PPM1K: variants seen among roughly 807,000 people sequenced by gnomAD.
PPM1K encodes protein phosphatase, Mg2+/Mn2+ dependent 1K.
A neutral mutation model predicts 32.6 loss-of-function variants in PPM1K; 19 were observed. The ratio of observed to expected loss-of-function variants is 0.58; its 90% CI spans 0.41 to 0.86. PPM1K has a LOEUF of 0.86. PPM1K is among the 40% of genes least tolerant of loss of function. The pLI, the probability that PPM1K is intolerant of heterozygous loss-of-function variation, is 0.00. For missense variants in PPM1K, 362 were observed against 461.2 expected, an observed-to-expected ratio of 0.78 and a Z score of 1.97; for synonymous variants, 159 against 165.3, an observed-to-expected ratio of 0.96 and a Z score of 0.29.
chr4:88,269,234 T>C (rs1340182611), intron 3 of PPM1K, among the ~76,000 whole-genome samples: 1 of 152,196 alleles, frequency 6.6e-6, no homozygotes, highest in African/African-American at 2.4e-5. Context: ...CATGGATATC[T>C]GGTGTCCAGA....
chr4:88,269,821 G>A (rs560709027), intron 3 of PPM1K, among the ~76,000 whole-genome samples: 15 of 152,284 alleles, frequency 9.9e-5, no homozygotes, highest in African/African-American at 3.4e-4. Flanking sequence ...TGAGGTCACC[G>A]TTTCCTCCAT....
At chr4:88,268,588 T>C (rs909509697) in intron 4 of PPM1K, among the ~76,000 whole-genome samples, 153 bp downstream of exon 4, 2 of 152,132 alleles carry the variant, frequency 1.3e-5, no homozygotes, top group African/African-American at 4.8e-5. Context: ...GCCACTGCAC[T>C]CCAGCCTGGG....
At chr4:88,272,376 T>C (rs530589986) in intron 3 of PPM1K, among the ~76,000 whole-genome samples, 5 of 152,216 alleles carry the variant, frequency 3.3e-5, no homozygotes, top group South Asian at 4.1e-4. Context: ...GTGAGACTCA[T>C]AATGCCATCA....
chr4:88,271,273 A>T (rs1731547664), intron 3 of PPM1K: 1 of 250,970 alleles, frequency 4.0e-6, no homozygotes, highest in Non-Finnish European at 8.1e-6. Flanking sequence ...AACACAGGGG[A>T]GAGCAGAGAA....
chr4:88,260,455 C>A lies in PPM1K; in HGVS notation c.*2140G>T, dbSNP rs1483534022. 6.6e-6 allele frequency: 1 copy of A among 152,124 alleles called. No individual in the cohort carries two copies. Among genetic ancestry groups the A allele is most frequent in the African/African-American group, 2.4e-5 (1 of 41,412 alleles). The allele number at this position is 152,124 out of a possible 1,614,324, so 9.4% of individuals were successfully genotyped here. A position where few individuals can be genotyped will look rare whatever the true frequency, so the allele number is the denominator to read the frequency against. Reference sequence around the variant, plus strand: ...TAAAGGTAGCTTCCACATTTCTGTTCCAAGAACTGATTAGAAAAAGCAAGA... The same window carrying A: ...TAAAGGTAGCTTCCACATTTCTGTTACAAGAACTGATTAGAAAAAGCAAGA... On this transcript the variant is annotated 3_prime_UTR_variant, in exon 7 of 7. Transcript: ENST00000608933.
Position 88,278,031 on chromosome 4 carries a change from G to C in PPM1K, c.440+113C>G. The C allele has an allele frequency of 1.3e-6, 1 of 786,514 alleles. No homozygotes were observed. The highest frequency in any genetic ancestry group is 2.0e-6 in the Non-Finnish European group (1 of 491,218). 48.7% of individuals were successfully genotyped at this position (786,514 alleles called of 1,614,324 possible). A position where few individuals can be genotyped will look rare whatever the true frequency, so the allele number is the denominator to read the frequency against. ...ACTACTGCTCATTCGTGAAGCAGCA[G>C]CATGCAACCACTCAAGTAACTATGT... On this transcript the variant is annotated intron_variant, in intron 2 of 6. Transcript: ENST00000608933. This position sits in a 1 kb window ranked among gnomAD's most constrained non-coding sequence, Gnocchi z 4.2.
chr4:88,259,225 CACTGT>C lies in PPM1K; in HGVS notation c.*3365_*3369del. ...AGGTTGCAGGGAGCCGAGACCGCAC[CACTGT>C]ACTCCAGCCTGTGTGACAGAGTGAG... On this transcript the variant is annotated 3_prime_UTR_variant, in exon 7 of 7. Coordinates refer to ENST00000608933, the MANE Select transcript of PPM1K (RefSeq NM_152542.5). The C allele has an allele frequency of 6.7e-6, 1 of 149,384 alleles. No individual in the cohort carries two copies. The highest frequency in any genetic ancestry group is 1.9e-4 in the East Asian group (1 of 5,132). 9.3% of individuals were successfully genotyped at this position (149,384 alleles called of 1,614,324 possible).
chr4:88,279,751 T>C (rs778080710), intron 1 of PPM1K: 3 of 152,230 alleles, frequency 2.0e-5, no homozygotes, highest in Admixed American at 2.0e-4. Context: ...CATAGGATTT[T>C]GTTCTATTAC....
chr4:88,277,762 G>A (rs1731841132), intron 2 of PPM1K: 1 of 221,026 alleles, frequency 4.5e-6, no homozygotes. Context: ...TTTTCAACAA[G>A]TCAGGTATTC....
chr4:88,273,881 A>C (rs758459753), intron 3 of PPM1K, among the ~76,000 whole-genome samples: 4 of 152,106 alleles, frequency 2.6e-5, no homozygotes, highest in Non-Finnish European at 5.9e-5. Flanking sequence ...ACCTAGGCCT[A>C]ATCAGTTTTT....
chr4:88,269,488 C>A (rs987687620), intron 3 of PPM1K, among the ~76,000 whole-genome samples: 2 of 152,116 alleles, frequency 1.3e-5, no homozygotes, highest in East Asian at 3.8e-4. Context: ...TATAAATGTT[C>A]ACCAAAAAAA....
Position 88,278,708 on chromosome 4 carries a change from G to A in PPM1K, c.-59-66C>T. The A allele has an allele frequency of 2.9e-6, 2 of 700,324 alleles. 1 individual carries two copies. The highest frequency in any genetic ancestry group is 4.7e-6 in the Non-Finnish European group (2 of 425,530). The allele number at this position is 700,324 out of a possible 1,614,324, so 43.4% of individuals were successfully genotyped here. On this transcript the variant is annotated intron_variant, in intron 1 of 6. Transcript: ENST00000608933. The surrounding 1 kb of genome is among the most constrained non-coding windows in gnomAD (Gnocchi z 4.2). The stretch of plus-strand genomic sequence containing the variant: ...AGAGGGGCAGAGGAGGAGAGGGAGA[G>A]AGACAGAGAGAGAGAGACCATCAGA...
At position 88,262,569 on chromosome 4, in the gene PPM1K, C is replaced by A. The variant is rs753682896; in HGVS notation, c.*26G>T. ...ACATGCTCAGTGAAAAACTGTTGCACAGAAACTCTAAGTCCCAGCTGGTAA... is the reference window on the plus strand; with the variant it reads ...ACATGCTCAGTGAAAAACTGTTGCAAAGAAACTCTAAGTCCCAGCTGGTAA... On this transcript the variant is annotated 3_prime_UTR_variant, in exon 7 of 7. Coordinates refer to ENST00000608933, the MANE Select transcript of PPM1K (RefSeq NM_152542.5). 1.2e-6 allele frequency: 2 copies of A among 1,610,450 alleles called. No individual in the cohort carries two copies. The highest frequency in any genetic ancestry group is 4.5e-5 in the East Asian group (2 of 44,868).
intron 1 of PPM1K, chr4:88,284,172 C>T (rs1176205957): frequency 6.6e-6 from 1 of 152,058 alleles, no homozygotes; most frequent in Non-Finnish European, 1.5e-5. Flanking sequence ...AGCTGGGCCC[C>T]GCCTCACCCC....
rs891471179 is a variant in PPM1K, at chr4:88,261,719, A to C, written c.*876T>G. 1 of 123,676 alleles carries C rather than the reference A, an allele frequency of 8.1e-6. No individual in the cohort carries two copies. The highest frequency in any genetic ancestry group is 1.7e-5 in the Non-Finnish European group (1 of 59,118). The allele number at this position is 123,676 out of a possible 1,614,324, so 7.7% of individuals were successfully genotyped here. ...CTTTTTTTTTTTTTTTTTGAGATGG[A>C]GTTTTTCGCTCTTGCTGCCCAGGCT... is the stretch of plus-strand genomic sequence containing the variant. On this transcript the variant is annotated 3_prime_UTR_variant, in exon 7 of 7. Transcript: ENST00000608933.
At chr4:88,264,940 T>G in intron 6 of PPM1K, 61 bp downstream of exon 6, 1 of 1,575,298 alleles carries the variant, frequency 6.3e-7, no homozygotes, top group South Asian at 1.1e-5. Flanking sequence ...TAAAACACAA[T>G]GCCTGGACTG....
chr4:88,267,613 T>G (rs1211078525), intron 5 of PPM1K, among the ~76,000 whole-genome samples: 1 of 152,244 alleles, frequency 6.6e-6, no homozygotes, highest in Non-Finnish European at 1.5e-5. Context: ...CAGCCTCTAC[T>G]TGCCTGGTGG....
intron 3 of PPM1K, chr4:88,271,209 C>T (rs771272112): frequency 2.3e-5 from 11 of 488,006 alleles, no homozygotes; most frequent in Non-Finnish European, 3.6e-5. Context: ...ATAACACGCA[C>T]AGAGGCAAAT....
intron 1 of PPM1K, among the ~76,000 whole-genome samples, chr4:88,280,857 AAG>A (rs888644902): frequency 1.6e-4 from 25 of 152,122 alleles, no homozygotes; most frequent in Admixed American, 7.2e-4. Context: ...TATTTAAAAA[AAG>A]AGAGAGAGAG....
Sources: gnomAD v4.1 joint callset for allele counts (sites outside exome capture counted in the v4.1 genomes callset) on GRCh38, gnomAD v4.1.1 for gene constraint, Gnocchi (gnomAD v3.1) non-coding constraint, MANE v1.5 for transcripts, NCBI Gene and HGNC (gene_info 2026-07-23, HGNC 2026-07-21) for gene names.